The following WBP1L variants were observed in gnomAD, a reference collection of about 807,000 sequenced individuals.
The protein encoded by WBP1L is WW domain binding protein 1-like.
WBP1L carries 17 observed loss-of-function variants against 33.7 expected under a neutral mutation model. The ratio of observed to expected loss-of-function variants is 0.50; its 90% CI spans 0.34 to 0.76. The LOEUF (loss-of-function observed/expected upper bound fraction) is 0.76. Among genes scored for constraint, WBP1L ranks in the 30% least tolerant of loss-of-function variants. The pLI is 0.01. For missense variants in WBP1L, 389 were observed against 469.4 expected, an observed-to-expected ratio of 0.83 and a Z score of 1.58; for synonymous variants, 173 against 190.8, an observed-to-expected ratio of 0.91 and a Z score of 0.77.
chr10:102,779,781 C>A (rs1299242255), intron 1 of WBP1L, among the ~76,000 whole-genome samples: 1 of 152,192 alleles, frequency 6.6e-6, no homozygotes. Context: ...AGAGGAACGC[C>A]CAGGGACTGG....
At chr10:102,790,635 G>A (rs1325236545) in intron 1 of WBP1L, among the ~76,000 whole-genome samples, 1 of 151,730 alleles carries the variant, frequency 6.6e-6, no homozygotes, top group Non-Finnish European at 1.5e-5. Context: ...CTCAGCGTCC[G>A]GAGTAGCTGG....
chr10:102,744,384 G>T (rs756925431), intron 1 of WBP1L: 96 of 985,318 alleles, frequency 9.7e-5, no homozygotes, highest in Non-Finnish European at 1.1e-4. Context: ...TGAGACGGCA[G>T]GTTGGTTAGG....
At chr10:102,774,029 T>C (rs780638273) in intron 1 of WBP1L, among the ~76,000 whole-genome samples, 1 of 152,206 alleles carries the variant, frequency 6.6e-6, no homozygotes, top group Non-Finnish European at 1.5e-5. Flanking sequence ...GGTACACTTA[T>C]GCCATGGCAC....
At chr10:102,786,536 A>C (rs931538220) in intron 1 of WBP1L, among the ~76,000 whole-genome samples, 1 of 152,220 alleles carries the variant, frequency 6.6e-6, no homozygotes, top group Non-Finnish European at 1.5e-5. Flanking sequence ...TCTGGGGCCC[A>C]TGGACCACAC....
chr10:102,776,538 C>T lies in WBP1L; in HGVS notation c.91-21455C>T, dbSNP rs910901451. 4 of 1,312,974 alleles carry T rather than the reference C, an allele frequency of 3.0e-6. No individual in the cohort carries two copies. In the African/African-American group the frequency reaches 5.8e-5, roughly 19 times the overall value. The allele number at this position is 1,312,974 out of a possible 1,614,324, so 81.3% of individuals were successfully genotyped here. ...ATGCCTCTCAGTTAGACCAGGCCAG[C>T]TCCCACACAGAACTTTCCAGTCTCC... On this transcript the variant is annotated intron_variant, in intron 1 of 3. Transcript: ENST00000448841.
At chr10:102,779,340 C>T (rs1590178512) in intron 1 of WBP1L, among the ~76,000 whole-genome samples, 1 of 151,564 alleles carries the variant, frequency 6.6e-6, no homozygotes, top group Admixed American at 6.6e-5. Flanking sequence ...TCTTGTCACC[C>T]AGGCTGGAGT....
rs897177043 is a variant in WBP1L, at chr10:102,743,956, G to A, written c.-98G>A. The A allele has an allele frequency of 2.4e-5, 24 of 989,482 alleles. No individual in the cohort carries two copies. Among genetic ancestry groups the A allele is most frequent in the Non-Finnish European group, 3.6e-5 (24 of 673,530 alleles). The allele number at this position is 989,482 out of a possible 1,614,324, so 61.3% of individuals were successfully genotyped here. ...GGAAGCGGGAGGGGAGCGTCAAACAGGAAAAGAAGGGAAGAAGGAAGAAGA... is the reference window on the plus strand; with the variant it reads ...GGAAGCGGGAGGGGAGCGTCAAACAAGAAAAGAAGGGAAGAAGGAAGAAGA... On this transcript the variant is annotated 5_prime_UTR_variant, in exon 1 of 4. Transcript: ENST00000448841.
chr10:102,785,936 G>GC (rs1843408533), intron 1 of WBP1L, among the ~76,000 whole-genome samples: 1 of 152,252 alleles, frequency 6.6e-6, no homozygotes, highest in Non-Finnish European at 1.5e-5. Flanking sequence ...AGGCCTGCAT[G>GC]CCCTGGGACA....
At chr10:102,781,472 C>T (rs1387990843) in intron 1 of WBP1L, among the ~76,000 whole-genome samples, 1 of 152,134 alleles carries the variant, frequency 6.6e-6, no homozygotes, top group Non-Finnish European at 1.5e-5. Context: ...CAGGAGGGGC[C>T]TGGAGTACAA....
intron 1 of WBP1L, among the ~76,000 whole-genome samples, chr10:102,774,692 C>T (rs1843234280): frequency 6.6e-6 from 1 of 152,154 alleles, no homozygotes; most frequent in South Asian, 2.1e-4. Flanking sequence ...TTCTGACTTA[C>T]ATGGATCATG....
At chr10:102,780,190 G>A (rs142550981) in intron 1 of WBP1L, among the ~76,000 whole-genome samples, 166 of 152,288 alleles carry the variant, frequency 1.1e-3, no homozygotes, top group African/African-American at 3.8e-3. Context: ...GGGACAGTTA[G>A]ACAGCTCATG....
chr10:102,745,522 A>G (rs1842855405), intron 1 of WBP1L, among the ~76,000 whole-genome samples: 2 of 152,060 alleles, frequency 1.3e-5, no homozygotes, highest in African/African-American at 2.4e-5. Context: ...GGATTTATCT[A>G]TTCTGGATAT....
intron 1 of WBP1L, among the ~76,000 whole-genome samples, chr10:102,797,219 AGAATG>A (rs774329108): frequency 7.9e-5 from 12 of 152,270 alleles, no homozygotes; most frequent in Non-Finnish European, 1.6e-4. Context: ...TTTAAAAAGA[AGAATG>A]GAATAACTGA....
chr10:102,783,848 T>C (rs1590180912), intron 1 of WBP1L, among the ~76,000 whole-genome samples: 1 of 152,296 alleles, frequency 6.6e-6, no homozygotes, highest in African/African-American at 2.4e-5. Context: ...CACAGACTCA[T>C]AGTAGTCCAC....
intron 1 of WBP1L, among the ~76,000 whole-genome samples, chr10:102,779,066 A>T (rs1353934269): frequency 6.6e-6 from 1 of 151,822 alleles, no homozygotes; most frequent in East Asian, 2.0e-4. Context: ...CACTACCTAG[A>T]CTGTGCGGCT....
chr10:102,795,786 A>G (rs1843565359), intron 1 of WBP1L, among the ~76,000 whole-genome samples: 1 of 152,188 alleles, frequency 6.6e-6, no homozygotes, highest in African/African-American at 2.4e-5. Flanking sequence ...AGGGCCTGGT[A>G]AACTGGGGAG....
At chr10:102,777,257 G>T (rs919161928) in intron 1 of WBP1L, among the ~76,000 whole-genome samples, 1 of 152,112 alleles carries the variant, frequency 6.6e-6, no homozygotes, top group East Asian at 1.9e-4. Context: ...GCCATAAGGG[G>T]TGGGGAGGGA....
chr10:102,772,032 C>T (rs571671167), intron 1 of WBP1L, among the ~76,000 whole-genome samples: 75 of 150,266 alleles, frequency 5.0e-4, no homozygotes, highest in African/African-American at 1.8e-3. Flanking sequence ...ACAATCTCAG[C>T]TCACTGCAAG....
intron 1 of WBP1L, among the ~76,000 whole-genome samples, chr10:102,744,993 T>C (rs1156656060): frequency 6.6e-6 from 1 of 152,194 alleles, no homozygotes. Flanking sequence ...GCGTTACTCC[T>C]GGTGCCAAGT....
Sources: allele counts gnomAD v4.1 joint callset (sites outside exome capture counted in the v4.1 genomes callset), GRCh38; gene constraint gnomAD v4.1.1; transcripts MANE v1.5; gene names NCBI Gene and HGNC (gene_info 2026-07-23, HGNC 2026-07-21).